The following AUTS2 variants were observed in gnomAD, a reference collection of about 807,000 sequenced individuals.
AUTS2 encodes the protein activator of transcription and developmental regulator AUTS2.
AUTS2 carries 17 observed loss-of-function variants against 112.4 expected under a neutral mutation model. That is an observed-to-expected ratio of 0.15 (90% CI 0.10 to 0.23). The LOEUF (loss-of-function observed/expected upper bound fraction) is 0.23. Among genes scored for constraint, AUTS2 ranks in the 10% least tolerant of loss-of-function variants. The pLI is 1.00. For missense variants in AUTS2, 1,510 were observed against 1,701.6 expected (o/e 0.89, Z 1.98); for synonymous variants, 751 against 702.7 (o/e 1.07, Z -1.09).
At chr7:69,997,853 C>T (rs1244234305) in intron 2 of AUTS2, among the ~76,000 whole-genome samples, 3 of 152,128 alleles carry the variant, frequency 2.0e-5, no homozygotes, top group African/African-American at 4.8e-5. Flanking sequence ...AATCGTATTA[C>T]CTGCAGGTTG....
At chr7:70,762,829 T>A in intron 6 of AUTS2, 41 bp from the exon 7 acceptor site, 1 of 1,413,780 alleles carries the variant, frequency 7.1e-7, no homozygotes, top group Non-Finnish European at 1.0e-6. Flanking sequence ...CACACTCGCA[T>A]GTCATTGCCT....
In AUTS2 at chr7:70,791,314, T is replaced by TGGGGGGGGGGGGGGGG. The variant is rs147864778; in HGVS notation, c.*325_*326insGGGGGGGGGGGGGGGG. 1 of 78,756 alleles carries TGGGGGGGGGGGGGGGG rather than the reference T, an allele frequency of 1.3e-5. No homozygotes were observed. The highest frequency in any genetic ancestry group is 2.4e-5 in the Non-Finnish European group (1 of 41,882). The allele number at this position is 78,756 out of a possible 1,614,324, so 4.9% of individuals were successfully genotyped here. A position where few individuals can be genotyped will look rare whatever the true frequency, so the allele number is the denominator to read the frequency against. ...TGGATGATAATTGTAGCGGGGGCGGTGGGGGGGAGAAGTCCACGCCATCCA... is the reference window on the plus strand; with the variant it reads ...TGGATGATAATTGTAGCGGGGGCGGTGGGGGGGGGGGGGGGGGGGGGGGAGAAGTCCACGCCATCCA... On this transcript the variant is annotated 3_prime_UTR_variant, in exon 19 of 19. Coordinates refer to ENST00000342771, the MANE Select transcript of AUTS2 (RefSeq NM_015570.4).
chr7:70,375,307 T>C (rs1028132181), intron 4 of AUTS2, among the ~76,000 whole-genome samples: 4 of 152,200 alleles, frequency 2.6e-5, no homozygotes, highest in Non-Finnish European at 5.9e-5. Context: ...TTGGAGGTCA[T>C]TGAACTTTGG....
intron 1 of AUTS2, among the ~76,000 whole-genome samples, chr7:69,668,619 A>G (rs922673976): frequency 2.6e-5 from 4 of 152,196 alleles, no homozygotes; most frequent in African/African-American, 9.7e-5. Flanking sequence ...TAGTTCCTTC[A>G]AAGCTGTTGT....
intron 1 of AUTS2, among the ~76,000 whole-genome samples, chr7:69,706,770 G>C (rs1166992895): frequency 2.0e-5 from 3 of 152,116 alleles, no homozygotes; most frequent in Non-Finnish European, 4.4e-5. Flanking sequence ...TTAAATAATT[G>C]CAGGTGTGCA....
At chr7:70,021,510 C>T (rs1374365907) in intron 2 of AUTS2, among the ~76,000 whole-genome samples, 1 of 152,130 alleles carries the variant, frequency 6.6e-6, no homozygotes, top group Admixed American at 6.5e-5. Context: ...CTGAATTCAT[C>T]ACTCCTAAAA....
chr7:69,946,596 A>G lies in AUTS2; in HGVS notation c.522+47098A>G, dbSNP rs867058468. Among the ~76,000 whole-genome samples, 8 of 147,540 alleles carry G rather than the reference A, an allele frequency of 5.4e-5. No homozygotes were observed. In the East Asian group the frequency reaches 1.2e-3, roughly 22 times the overall value. ...CACACACACACACACACACACACACACACACACACACGCACGCACACAGAG... is the reference window on the plus strand; with the variant it reads ...CACACACACACACACACACACACACGCACACACACACGCACGCACACAGAG... On this transcript the variant is annotated intron_variant, in intron 2 of 18. Transcript: ENST00000342771.
intron 4 of AUTS2, among the ~76,000 whole-genome samples, chr7:70,377,325 A>AATATATATAT (rs58244266): frequency 3.4e-3 from 175 of 52,006 alleles, no homozygotes; most frequent in Non-Finnish European, 4.6e-3. Context: ...AACAAATATA[A>AATATATATAT]ATATATATAT....
intron 2 of AUTS2, among the ~76,000 whole-genome samples, chr7:70,007,361 A>G (rs920864852): frequency 1.3e-5 from 2 of 152,206 alleles, no homozygotes; most frequent in African/African-American, 4.8e-5. Flanking sequence ...AAAGTCATCC[A>G]TAATTCCTTA....
chr7:70,168,610 C>A (rs1808508105), intron 4 of AUTS2, among the ~76,000 whole-genome samples: 1 of 152,118 alleles, frequency 6.6e-6, no homozygotes, highest in Non-Finnish European at 1.5e-5. Flanking sequence ...AGCCAGTGCA[C>A]CTGGCCTGCT....
rs1158407042 is a variant in AUTS2 at position 70,766,286 on chromosome 7, C to T, written c.1641C>T (p.Pro547=). ...HTHQHTFTPF[P]HAIPPTAIMP... is the part of the protein sequence containing the mutation. The stretch of plus-strand genomic sequence containing the variant: ...ACCAGCACACCTTCACGCCGTTCCC[C>T]CACGCCATCCCACCCACCGCCATCA... The change falls in exon 9 of 19, where the codon CCC becomes CCT. Residue 547 remains proline (P), a synonymous_variant. Coordinates refer to ENST00000342771, the MANE Select transcript of AUTS2 (RefSeq NM_015570.4). This position sits in a 1 kb window ranked among gnomAD's most constrained non-coding sequence, Gnocchi z 4.8. 2 of 1,614,016 alleles carry T rather than the reference C, an allele frequency of 1.2e-6. No individual in the cohort carries two copies. The highest frequency in any genetic ancestry group is 1.7e-6 in the Non-Finnish European group (2 of 1,180,018).
chr7:69,839,929 C>A (rs950657357), intron 1 of AUTS2, among the ~76,000 whole-genome samples: 4 of 152,024 alleles, frequency 2.6e-5, no homozygotes, highest in African/African-American at 9.7e-5. Context: ...AAACAGGAAT[C>A]ATTGTAGACC....
chr7:70,019,204 CTAAA>C, intron 2 of AUTS2, among the ~76,000 whole-genome samples: 1 of 152,164 alleles, frequency 6.6e-6, no homozygotes, highest in South Asian at 2.1e-4. Flanking sequence ...TAAGTGGAAA[CTAAA>C]TGATGAGAAC....
chr7:69,768,027 C>T (rs1400159207), intron 1 of AUTS2, among the ~76,000 whole-genome samples: 3 of 152,228 alleles, frequency 2.0e-5, no homozygotes, highest in African/African-American at 7.2e-5. Context: ...TTATCCTCCT[C>T]TGTGCAAGTG....
At chr7:70,511,009 C>T (rs554201941) in intron 5 of AUTS2, among the ~76,000 whole-genome samples, 198 of 152,016 alleles carry the variant, frequency 1.3e-3, no homozygotes, top group African/African-American at 3.7e-3. Flanking sequence ...CCACCATGCC[C>T]GGCTAATTTT....
At chr7:70,552,747 C>G (rs1801065453) in intron 5 of AUTS2, among the ~76,000 whole-genome samples, 1 of 152,140 alleles carries the variant, frequency 6.6e-6, no homozygotes, top group African/African-American at 2.4e-5. Flanking sequence ...CTTGATGGCC[C>G]AGATCCCCCA....
chr7:70,512,926 A>G (rs1216407389), intron 5 of AUTS2, among the ~76,000 whole-genome samples: 1 of 151,946 alleles, frequency 6.6e-6, no homozygotes, highest in East Asian at 1.9e-4. Context: ...TGAGCGTGGC[A>G]GGGATCTGTC....
chr7:70,439,357 G>A (rs566361903), intron 5 of AUTS2, among the ~76,000 whole-genome samples: 48 of 152,146 alleles, frequency 3.2e-4, no homozygotes, highest in Non-Finnish European at 1.0e-4. Flanking sequence ...GACCAACATA[G>A]TGAAACCCCG....
At chr7:70,232,965 C>G (rs553848588) in intron 4 of AUTS2, among the ~76,000 whole-genome samples, 1 of 152,300 alleles carries the variant, frequency 6.6e-6, no homozygotes, top group East Asian at 1.9e-4. Context: ...AAACTTACTG[C>G]TTTTTCTGCC....
Sources: gnomAD v4.1 joint callset for allele counts (sites outside exome capture counted in the v4.1 genomes callset) on GRCh38, gnomAD v4.1.1 for gene constraint, Gnocchi (gnomAD v3.1) non-coding constraint, MANE v1.5 for transcripts, NCBI Gene and HGNC (gene_info 2026-07-23, HGNC 2026-07-21) for gene names.